EML6: variants seen among roughly 807,000 people sequenced by gnomAD.
EML6 encodes EMAP like 6.
A neutral mutation model predicts 240.1 loss-of-function variants in EML6; 154 were observed. The ratio of observed to expected loss-of-function variants is 0.64; its 90% CI spans 0.56 to 0.73. EML6 has a LOEUF of 0.73. Among genes scored for constraint, EML6 ranks in the 30% least tolerant of loss-of-function variants. EML6 has a pLI of 0.00. For synonymous variants in EML6, 1,148 were observed against 899.0 expected (o/e 1.28, Z -4.95); for missense variants, 2,964 against 2,474.6 (o/e 1.20, Z -4.20).
chr2:54,859,569 C>T lies in EML6; in HGVS notation c.1693C>T (p.His565Tyr), dbSNP rs538230866. The change falls in exon 12 of 42, where the codon CAT (histidine) becomes TAT (tyrosine). Residue 565 changes from histidine (H) to tyrosine (Y), a missense_variant. Physicochemically the swap from His to Tyr is moderately conservative, Grantham distance 83. Coordinates refer to ENST00000356458, the MANE Select transcript of EML6 (RefSeq NM_001039753.4). ...KFRKYVGHSAHVTNVRWSHDF... is the reference protein window; with the variant it reads ...KFRKYVGHSAYVTNVRWSHDF... The stretch of plus-strand genomic sequence containing the variant: ...TAGAAAGTATGTGGGCCATTCTGCA[C>T]ATGTCACAAATGTCCGCTGGTCCCA... 9.0e-6 allele frequency: 14 copies of T among 1,551,220 alleles called. No homozygotes were observed. Among genetic ancestry groups the T allele is most frequent in the Non-Finnish European group, 1.0e-5 (12 of 1,146,814 alleles).
intron 28 of EML6, among the ~76,000 whole-genome samples, chr2:54,946,127 GT>G (rs1249328959): frequency 6.6e-6 from 1 of 152,202 alleles, no homozygotes; most frequent in Non-Finnish European, 1.5e-5. Context: ...TATCCAGTTT[GT>G]TTGCTGTCTT....
intron 2 of EML6, among the ~76,000 whole-genome samples, chr2:54,794,081 A>G (rs1280151853): frequency 5.9e-5 from 9 of 152,264 alleles, no homozygotes; most frequent in South Asian, 2.1e-4. Context: ...AGTATATTCC[A>G]TATATTATCT....
chr2:54,951,584 CAA>C (rs910984914), intron 30 of EML6, among the ~76,000 whole-genome samples: 3 of 151,286 alleles, frequency 2.0e-5, no homozygotes, highest in African/African-American at 7.3e-5. Context: ...CATGGTGACT[CAA>C]ATTTTAAAAA....
chr2:54,964,560 G>A lies in EML6; in HGVS notation c.5331-11G>A. On this transcript the variant is annotated splice_polypyrimidine_tract_variant and intron_variant, in intron 37 of 41. Coordinates refer to ENST00000356458, the MANE Select transcript of EML6 (RefSeq NM_001039753.4). ...TCCTCATGGACTCTGCTCTCGGATT[G>A]CTTTTTCTAGAATCAGCCCAGACAA... 6.4e-7 allele frequency: 1 copy of A among 1,552,200 alleles called. No homozygotes were observed. Among genetic ancestry groups the A allele is most frequent in the South Asian group, 1.2e-5 (1 of 84,040 alleles).
chr2:54,821,656 A>T (rs1668340501), intron 5 of EML6, among the ~76,000 whole-genome samples: 1 of 152,168 alleles, frequency 6.6e-6, no homozygotes, highest in Non-Finnish European at 1.5e-5. Flanking sequence ...AATTTAATTT[A>T]AATGATACAA....
chr2:54,817,261 A>C (rs900907819), intron 4 of EML6, among the ~76,000 whole-genome samples: 1 of 152,220 alleles, frequency 6.6e-6, no homozygotes, highest in Non-Finnish European at 1.5e-5. Flanking sequence ...TTTAATTTTG[A>C]ATGAGTGTAA....
chr2:54,927,405 C>T (rs1446488221), intron 26 of EML6, among the ~76,000 whole-genome samples: 1 of 152,218 alleles, frequency 6.6e-6, no homozygotes, highest in African/African-American at 2.4e-5. Flanking sequence ...AAATTTTCAT[C>T]TGGGATACTG....
chr2:54,813,049 C>T lies in EML6; in HGVS notation c.198-183C>T, dbSNP rs1250241906. 2.6e-5 allele frequency among the ~76,000 whole-genome samples: 4 copies of T among 152,108 alleles called. 1 individual carries two copies. The highest frequency in any genetic ancestry group is 2.0e-4 in the Admixed American group (3 of 15,262). Reference sequence around the variant, plus strand: ...AATGAGATTGTCAGACTGTGCTAAGCCTCTCTGCTAAAGTGAACATTTCAA... The same window carrying T: ...AATGAGATTGTCAGACTGTGCTAAGTCTCTCTGCTAAAGTGAACATTTCAA... On this transcript the variant is annotated intron_variant, in intron 2 of 41. Transcript: ENST00000356458.
chr2:54,933,853 A>G (rs956216813), intron 28 of EML6, among the ~76,000 whole-genome samples: 3 of 152,202 alleles, frequency 2.0e-5, no homozygotes, highest in Non-Finnish European at 4.4e-5. Context: ...CACATCCAGG[A>G]TCTGAGAGTA....
chr2:54,798,925 T>C (rs1669964252), intron 2 of EML6, among the ~76,000 whole-genome samples: 4 of 152,240 alleles, frequency 2.6e-5, no homozygotes. Context: ...TAGTTGCCTT[T>C]TATTAGATTG....
intron 2 of EML6, among the ~76,000 whole-genome samples, chr2:54,736,542 C>A (rs1482768178): frequency 6.6e-6 from 1 of 152,140 alleles, no homozygotes; most frequent in Non-Finnish European, 1.5e-5. Context: ...CATTTACTGC[C>A]CCCGTTTTCT....
chr2:54,853,881 G>T (rs989564938), intron 11 of EML6, 26 bp downstream of exon 11: 2 of 1,476,062 alleles, frequency 1.4e-6, no homozygotes. Flanking sequence ...ATGTTTCATT[G>T]CATAAAGATT....
intron 16 of EML6, among the ~76,000 whole-genome samples, chr2:54,876,326 G>C (rs1558639551): frequency 6.6e-6 from 1 of 152,134 alleles, no homozygotes; most frequent in South Asian, 2.1e-4. Context: ...CAGAACTCGG[G>C]GAAGTCACCA....
intron 22 of EML6, among the ~76,000 whole-genome samples, 160 bp downstream of exon 22, chr2:54,899,942 C>T (rs1348109450): frequency 6.6e-6 from 1 of 152,160 alleles, no homozygotes; most frequent in Non-Finnish European, 1.5e-5. Context: ...CATAACTAAG[C>T]ACATGTAGAA....
chr2:54,943,517 C>G (rs745751446), intron 28 of EML6, among the ~76,000 whole-genome samples: 6 of 152,184 alleles, frequency 3.9e-5, no homozygotes, highest in Non-Finnish European at 8.8e-5. Flanking sequence ...TTTTTCCTTT[C>G]TCATTCAGGC....
chr2:54,953,010 C>T (rs892329677), intron 31 of EML6, among the ~76,000 whole-genome samples: 2 of 152,146 alleles, frequency 1.3e-5, no homozygotes, highest in Non-Finnish European at 2.9e-5. Context: ...GGTTATTGTG[C>T]TTGGCCAGGG....
intron 22 of EML6, among the ~76,000 whole-genome samples, chr2:54,900,262 T>G (rs1179493546): frequency 6.6e-6 from 1 of 152,110 alleles, no homozygotes; most frequent in Non-Finnish European, 1.5e-5. Flanking sequence ...CAGCAAACAT[T>G]TATTAAGTAG....
At chr2:54,839,833 TTAG>T (rs1558597871) in intron 7 of EML6, among the ~76,000 whole-genome samples, 2 of 136,338 alleles carry the variant, frequency 1.5e-5, no homozygotes, top group Admixed American at 1.5e-4. Flanking sequence ...GACTGGTTCA[TTAG>T]TCTGGGCTGA....
chr2:54,861,723 C>T (rs1295633285), intron 12 of EML6, among the ~76,000 whole-genome samples: 4 of 151,630 alleles, frequency 2.6e-5, no homozygotes, highest in Non-Finnish European at 4.4e-5. Context: ...TGGTGAGATC[C>T]TTCTCCTATA....
Sources: gnomAD v4.1 joint callset for allele counts (sites outside exome capture counted in the v4.1 genomes callset) on GRCh38, gnomAD v4.1.1 for gene constraint, MANE v1.5 for transcripts, NCBI Gene and HGNC (gene_info 2026-07-23, HGNC 2026-07-21) for gene names.